Variants in RSPH14 observed in about 807,000 individuals in gnomAD.
RSPH14 encodes the protein radial spoke head 14 homolog.
Under a neutral mutation model 26.7 loss-of-function variants are expected in RSPH14, and 20 were observed. The ratio of observed to expected loss-of-function variants is 0.75; its 90% CI spans 0.53 to 1.09. The LOEUF (loss-of-function observed/expected upper bound fraction) is 1.09. RSPH14 is among the 50% of genes least tolerant of loss of function. The pLI is 0.00. For synonymous variants in RSPH14, 177 were observed against 189.3 expected, an observed-to-expected ratio of 0.93 and a Z score of 0.53; for missense variants, 449 against 457.2, an observed-to-expected ratio of 0.98 and a Z score of 0.16.
At chr22:23,066,126 A>C (rs190497580) in intron 4 of RSPH14, among the ~76,000 whole-genome samples, 52 of 152,342 alleles carry the variant, frequency 3.4e-4, no homozygotes, top group Non-Finnish European at 6.2e-4. Flanking sequence ...TTTTGCTGGC[A>C]GATGGAAGGA....
chr22:23,175,008 T>G, the RSPH14 span, among the ~76,000 whole-genome samples: 2 of 151,986 alleles, frequency 1.3e-5, no homozygotes, highest in Admixed American at 1.3e-4. Flanking sequence ...AAATTTTTTT[T>G]TTTTTTCAGA....
At chr22:23,177,028 G>T in the RSPH14 span, among the ~76,000 whole-genome samples, 1 of 152,230 alleles carries the variant, frequency 6.6e-6, no homozygotes, top group African/African-American at 2.4e-5. Context: ...GACAGTGCAG[G>T]TCTAGAACCT....
chr22:23,129,158 A>G (rs995482262), intron 4 of RSPH14, among the ~76,000 whole-genome samples: 1 of 152,102 alleles, frequency 6.6e-6, no homozygotes, highest in Non-Finnish European at 1.5e-5. Context: ...CCTGGGGCAC[A>G]GTCACACTCG....
Position 23,095,727 on chromosome 22 carries a change from A to C in RSPH14, c.422-31594T>G, listed in dbSNP as rs772805782. The C allele has an allele frequency of 7.5e-6, 12 of 1,610,600 alleles. No homozygotes were observed. Among genetic ancestry groups the C allele is most frequent in the South Asian group, 3.3e-5 (3 of 90,944 alleles). The stretch of plus-strand genomic sequence containing the variant: ...TGTCGGCAAAGCTCAGAGGAAAAAG[A>C]AGCAGCCCGGCGGTCCCGGAGAATT... On this transcript the variant is annotated intron_variant, in intron 4 of 6. Transcript: ENST00000216036.
At chr22:23,171,842 C>CAAAAA in the RSPH14 span, among the ~76,000 whole-genome samples, 3 of 30,774 alleles carry the variant, frequency 9.7e-5, no homozygotes, top group East Asian at 1.2e-3. Flanking sequence ...AACTCTGTCT[C>CAAAAA]AAAAAAAAAA....
chr22:23,144,824 T>C (rs1466616258), upstream of RSPH14, among the ~76,000 whole-genome samples: 2 of 152,132 alleles, frequency 1.3e-5, no homozygotes, highest in Non-Finnish European at 2.9e-5. Context: ...ATTAAGTAGG[T>C]TCTCAAACTG....
the RSPH14 span, among the ~76,000 whole-genome samples, chr22:23,171,337 G>A: frequency 1.3e-5 from 2 of 152,020 alleles, no homozygotes; most frequent in African/African-American, 2.4e-5. Flanking sequence ...GACCCAGGAA[G>A]TCATCATACT....
chr22:23,160,998 C>T, the RSPH14 span: 102 of 1,609,326 alleles, frequency 6.3e-5, no homozygotes, highest in Admixed American at 8.4e-5. Flanking sequence ...AGACCTAATC[C>T]GTGAGTATAG....
chr22:23,141,662 C>T (rs2070603813), intron 1 of RSPH14, among the ~76,000 whole-genome samples: 1 of 152,346 alleles, frequency 6.6e-6, no homozygotes, highest in South Asian at 2.1e-4. Context: ...GAATCTACTC[C>T]AGTAAAAGGT....
At chr22:23,141,202 G>A (rs2070594521) in intron 1 of RSPH14, among the ~76,000 whole-genome samples, 1 of 152,060 alleles carries the variant, frequency 6.6e-6, no homozygotes, top group South Asian at 2.1e-4. Flanking sequence ...GATGGCGCAT[G>A]CCTGTAGTCC....
chr22:23,172,602 G>A, the RSPH14 span, among the ~76,000 whole-genome samples: 1 of 150,820 alleles, frequency 6.6e-6, no homozygotes, highest in Non-Finnish European at 1.5e-5. Context: ...TACTTGGGAG[G>A]CTGAGGCAGG....
chr22:23,158,138 G>A, the RSPH14 span: 1 of 1,564,554 alleles, frequency 6.4e-7, no homozygotes. Context: ...CTGACCCCGT[G>A]GTGGGTGTGA....
At chr22:23,166,404 T>C in the RSPH14 span, among the ~76,000 whole-genome samples, 1 of 151,606 alleles carries the variant, frequency 6.6e-6, no homozygotes, top group Non-Finnish European at 1.5e-5. Flanking sequence ...GAGAGTAAGA[T>C]GAAGGGCTGT....
upstream of RSPH14, among the ~76,000 whole-genome samples, chr22:23,143,987 G>C (rs888452871): frequency 6.6e-6 from 1 of 151,624 alleles, no homozygotes; most frequent in Admixed American, 6.6e-5. Context: ...CCAGCTACTC[G>C]GGAGGCTGAG....
intron 4 of RSPH14, among the ~76,000 whole-genome samples, chr22:23,112,394 T>C (rs988975385): frequency 5.3e-5 from 8 of 152,168 alleles, no homozygotes; most frequent in Non-Finnish European, 1.0e-4. Context: ...TCCAGGGACC[T>C]GGTCAGTGGC....
At chr22:23,157,336 C>T in the RSPH14 span, among the ~76,000 whole-genome samples, 1 of 151,996 alleles carries the variant, frequency 6.6e-6, no homozygotes, top group Non-Finnish European at 1.5e-5. Context: ...CTGCAAGCTC[C>T]GCCTCCCGCA....
At chr22:23,101,276 C>G (rs1263369026) in intron 4 of RSPH14, among the ~76,000 whole-genome samples, 1 of 152,162 alleles carries the variant, frequency 6.6e-6, no homozygotes, top group Non-Finnish European at 1.5e-5. Context: ...CAGGGAGGGT[C>G]CTGGCACTGG....
chr22:23,076,972 G>A (rs1156520781), intron 4 of RSPH14, among the ~76,000 whole-genome samples: 1 of 152,206 alleles, frequency 6.6e-6, no homozygotes, highest in Non-Finnish European at 1.5e-5. Flanking sequence ...TCTGGGCTGG[G>A]TCAAGTGTAC....
chr22:23,072,294 C>T (rs990110471), intron 4 of RSPH14, among the ~76,000 whole-genome samples: 5 of 152,056 alleles, frequency 3.3e-5, no homozygotes, highest in African/African-American at 7.2e-5. Flanking sequence ...CATCCATCTA[C>T]GGGGTGCAGT....
Sources: allele counts gnomAD v4.1 joint callset (sites outside exome capture counted in the v4.1 genomes callset), GRCh38; gene constraint gnomAD v4.1.1; transcripts MANE v1.5; gene names NCBI Gene and HGNC (gene_info 2026-07-23, HGNC 2026-07-21).